Variants in FEZ2 observed in about 807,000 individuals in gnomAD.
The protein encoded by FEZ2 is fasciculation and elongation protein zeta 2, also known as fasciculation and elongation protein zeta-2.
Under a neutral mutation model 40.4 loss-of-function variants are expected in FEZ2, and 51 were observed. The ratio of observed to expected loss-of-function variants is 1.26; its 90% CI spans 1.01 to 1.59. The LOEUF (loss-of-function observed/expected upper bound fraction) is 1.59, where lower values mean the gene tolerates loss of function less well. FEZ2 is among the 40% of genes most tolerant of loss of function. The pLI is 0.00. For missense variants in FEZ2, 640 were observed against 438.3 expected, an observed-to-expected ratio of 1.46 and a Z score of -4.11; for synonymous variants, 242 against 172.0, an observed-to-expected ratio of 1.41 and a Z score of -3.18.
At chr2:36,553,386 A>G (rs1667871794) in intron 7 of FEZ2, among the ~76,000 whole-genome samples, 1 of 152,208 alleles carries the variant, frequency 6.6e-6, no homozygotes, top group Admixed American at 6.5e-5. Context: ...TTTCCCAGAA[A>G]TGAGATACCA....
At chr2:36,576,867 A>C (rs1466901462) in intron 5 of FEZ2, among the ~76,000 whole-genome samples, 1 of 152,252 alleles carries the variant, frequency 6.6e-6, no homozygotes, top group Non-Finnish European at 1.5e-5. Context: ...CGAAGCCTTT[A>C]AACCCCTCTA....
intron 6 of FEZ2, chr2:36,556,200 T>C (rs1667957310): frequency 3.2e-6 from 1 of 308,172 alleles, no homozygotes. Context: ...AACAAGCGTA[T>C]CCTGTCAGAC....
chr2:36,560,271 C>T (rs1171219113), intron 5 of FEZ2, among the ~76,000 whole-genome samples: 2 of 152,146 alleles, frequency 1.3e-5, no homozygotes, highest in African/African-American at 4.8e-5. Context: ...TGGCAGACAA[C>T]TGAGTTGGCT....
intron 4 of FEZ2, among the ~76,000 whole-genome samples, chr2:36,579,270 G>C (rs931040033): frequency 6.6e-6 from 1 of 152,146 alleles, no homozygotes; most frequent in Non-Finnish European, 1.5e-5. Flanking sequence ...CAGGGTTCTG[G>C]GATATCTCTG....
intron 5 of FEZ2, among the ~76,000 whole-genome samples, chr2:36,560,558 T>G (rs1668067811): frequency 6.6e-6 from 1 of 152,220 alleles, no homozygotes; most frequent in African/African-American, 2.4e-5. Flanking sequence ...ATAAAACACG[T>G]CTTAAGAATG....
intron 5 of FEZ2, among the ~76,000 whole-genome samples, chr2:36,574,439 A>C (rs767414938): frequency 6.6e-6 from 1 of 152,176 alleles, no homozygotes; most frequent in African/African-American, 2.4e-5. Flanking sequence ...GTAAAGTTAA[A>C]TTTCTTATCA....
At chr2:36,557,744 C>T (rs1053584518) in intron 6 of FEZ2, 5 of 152,056 alleles carry the variant, frequency 3.3e-5, no homozygotes, top group African/African-American at 1.2e-4. Flanking sequence ...TAAGTAACTT[C>T]CAAGGATATC....
chr2:36,559,878 C>G (rs973898767), intron 5 of FEZ2, among the ~76,000 whole-genome samples: 3 of 152,194 alleles, frequency 2.0e-5, no homozygotes, highest in African/African-American at 7.2e-5. Context: ...TCATGGAGCT[C>G]ATTGATGAGC....
chr2:36,554,373 C>A, intron 7 of FEZ2: 1 of 466,778 alleles, frequency 2.1e-6, no homozygotes, highest in Non-Finnish European at 4.4e-6. Context: ...GAGAATGCTT[C>A]AGAAGCTCAT....
At position 36,552,372 on chromosome 2, in the gene FEZ2, AAC is replaced by A. The variant is rs566701979; in HGVS notation, c.*789_*790del. 8.1e-6 allele frequency: 3 copies of A among 371,762 alleles called. No individual in the cohort carries two copies. The highest frequency in any genetic ancestry group is 6.4e-5 in the African/African-American group (3 of 47,032). The allele number at this position is 371,762 out of a possible 1,614,324, so 23.0% of individuals were successfully genotyped here. ...GTATCTAGAATTCATACTTAAGAAA[AAC>A]ACACAGGCATGAATAAAATAGGACA... On this transcript the variant is annotated 3_prime_UTR_variant, in exon 8 of 8. Transcript: ENST00000405912.
Position 36,590,963 on chromosome 2 carries a change from G to C in FEZ2, c.315C>G (p.Asp105Glu), listed in dbSNP as rs1055071923. 8.1e-6 allele frequency: 13 copies of C among 1,612,896 alleles called. No homozygotes were observed. The highest frequency in any genetic ancestry group is 1.3e-5 in the African/African-American group (1 of 74,928). The change falls in exon 2 of 8, where the codon GAC becomes GAG. Residue 105 changes from aspartate to glutamate, a missense_variant. Coordinates refer to ENST00000405912, the MANE Select transcript of FEZ2 (RefSeq NM_005102.3). ...AGGTCCTAGTATGCGATGACTTCCA[G>C]TCTACAGGCATCACATTCCCATAAT... ...TDNYGNVMPV[D>E]WKSSHTRTLH...
At position 36,571,117 on chromosome 2, in the gene FEZ2, A is replaced by G. The variant is rs553519865; in HGVS notation, c.903+7480T>C. Reference sequence around the variant, plus strand: ...ACATATCGAAAACTGATGATGACATATATTTCTCTAGGTAATATTATTTTT... The same window carrying G: ...ACATATCGAAAACTGATGATGACATGTATTTCTCTAGGTAATATTATTTTT... On this transcript the variant is annotated intron_variant, in intron 5 of 7. Transcript: ENST00000405912. 1.2e-4 allele frequency among the ~76,000 whole-genome samples: 19 copies of G among 152,340 alleles called. No homozygotes were observed. The South Asian group carries it at 1.5e-3, about 12-fold the overall frequency.
rs775558096 is a variant in FEZ2, at chr2:36,595,658, A to G, written c.266+2219T>C. Among the ~76,000 whole-genome samples, 21 of 152,198 alleles carry G rather than the reference A, an allele frequency of 1.4e-4. 1 individual carries two copies. The highest frequency in any genetic ancestry group is 7.3e-5 in the Non-Finnish European group (5 of 68,038). On this transcript the variant is annotated intron_variant, in intron 1 of 7. Coordinates refer to ENST00000405912, the MANE Select transcript of FEZ2 (RefSeq NM_005102.3). Reference sequence around the variant, plus strand: ...AGCACAGCAATATCTGAGTAAAACAATTATCAATTATATCTAGTGAAAAGG... The same window carrying G: ...AGCACAGCAATATCTGAGTAAAACAGTTATCAATTATATCTAGTGAAAAGG...
intron 2 of FEZ2, chr2:36,590,190 CTAAAA>C (rs1189260452): frequency 6.6e-6 from 1 of 152,212 alleles, no homozygotes; most frequent in African/African-American, 2.4e-5. Context: ...AAGCCAAGAA[CTAAAA>C]TATCTTTTAA....
At chr2:36,568,475 G>A (rs1668316284) in intron 5 of FEZ2, among the ~76,000 whole-genome samples, 1 of 152,276 alleles carries the variant, frequency 6.6e-6, no homozygotes, top group African/African-American at 2.4e-5. Flanking sequence ...TTCCAAGTTT[G>A]AAATAAAGAA....
At chr2:36,587,743 C>T (rs550865323) in intron 2 of FEZ2, among the ~76,000 whole-genome samples, 24 of 152,098 alleles carry the variant, frequency 1.6e-4, no homozygotes, top group African/African-American at 5.1e-4. Flanking sequence ...AGCTTAGTCA[C>T]GGCACGAACA....
intron 1 of FEZ2, among the ~76,000 whole-genome samples, chr2:36,596,351 C>A (rs1309269125): frequency 6.6e-6 from 1 of 152,242 alleles, no homozygotes; most frequent in Non-Finnish European, 1.5e-5. Flanking sequence ...GACAATCAGG[C>A]TGGAAACTCC....
intron 4 of FEZ2, 39 bp from the exon 5 acceptor site, chr2:36,578,904 A>C (rs1346112380): frequency 6.4e-7 from 1 of 1,571,582 alleles, no homozygotes; most frequent in Non-Finnish European, 8.6e-7. Context: ...ATTAAGACAA[A>C]AACATTTCAA....
At chr2:36,565,775 T>C (rs1357248871) in intron 5 of FEZ2, among the ~76,000 whole-genome samples, 1 of 152,144 alleles carries the variant, frequency 6.6e-6, no homozygotes, top group Non-Finnish European at 1.5e-5. Flanking sequence ...TACTGACATT[T>C]CCAGTCAGAT....
Sources: allele counts gnomAD v4.1 joint callset (sites outside exome capture counted in the v4.1 genomes callset), GRCh38; gene constraint gnomAD v4.1.1; transcripts MANE v1.5; gene names NCBI Gene and HGNC (gene_info 2026-07-23, HGNC 2026-07-21).